ZNF267: variants seen among roughly 807,000 people sequenced by gnomAD.
ZNF267 encodes the protein zinc finger (C2H2).
Under a neutral mutation model 71.6 loss-of-function variants are expected in ZNF267, and 61 were observed. The ratio of observed to expected loss-of-function variants is 0.85; its 90% confidence interval spans 0.69 to 1.05. The LOEUF is 1.05. Among genes scored for constraint, ZNF267 ranks in the 50% least tolerant of loss-of-function variants. The pLI, the probability that ZNF267 is intolerant of heterozygous loss-of-function variation, is 0.00. For missense variants in ZNF267, 852 were observed against 870.0 expected, an observed-to-expected ratio of 0.98 and a Z score of 0.26; for synonymous variants, 288 against 293.2, an observed-to-expected ratio of 0.98 and a Z score of 0.18.
At chr16:31,880,915 C>T (rs7203345) in intron 1 of ZNF267, among the ~76,000 whole-genome samples, 15,932 of 152,064 alleles carry the variant, frequency 0.1, 1,876 homozygotes, top group African/African-American at 0.29. Flanking sequence ...CTAAAGCAGA[C>T]GGATAATGGT....
At chr16:31,909,941 T>G (rs1421230701) in intron 3 of ZNF267, among the ~76,000 whole-genome samples, 1 of 152,226 alleles carries the variant, frequency 6.6e-6, no homozygotes, top group Non-Finnish European at 1.5e-5. Flanking sequence ...ATGTTCTTTC[T>G]ATACCCAGCT....
chr16:31,895,361 A>T (rs542257267), intron 3 of ZNF267, among the ~76,000 whole-genome samples: 1 of 152,322 alleles, frequency 6.6e-6, no homozygotes, highest in Admixed American at 6.5e-5. Context: ...TTCATTATTT[A>T]TCTGCTGCTA....
At chr16:31,892,184 A>G (rs1332038190) in intron 3 of ZNF267, among the ~76,000 whole-genome samples, 2 of 152,218 alleles carry the variant, frequency 1.3e-5, no homozygotes, top group Non-Finnish European at 1.5e-5. Context: ...GTGGAAGGCG[A>G]GGAGGAGCAA....
intron 1 of ZNF267, among the ~76,000 whole-genome samples, chr16:31,881,330 A>C (rs1026394630): frequency 1.3e-5 from 2 of 152,012 alleles, no homozygotes; most frequent in African/African-American, 4.8e-5. Context: ...GCCCAAATCC[A>C]GCCTCTTCTG....
chr16:31,875,013 G>C lies in ZNF267; in HGVS notation c.3+1044G>C, dbSNP rs532527942. 5.4e-6 allele frequency: 4 copies of C among 739,926 alleles called. No homozygotes were observed. In the South Asian group the frequency reaches 5.9e-5, roughly 11 times the overall value. The allele number at this position is 739,926 out of a possible 1,614,324, so 45.8% of individuals were successfully genotyped here. ...TTTTTGGCATACATTTCACGTGAGAGGAAAGCAGAGAATAAAAAATCCCTG... is the reference window on the plus strand; with the variant it reads ...TTTTTGGCATACATTTCACGTGAGACGAAAGCAGAGAATAAAAAATCCCTG... On this transcript the variant is annotated intron_variant, in intron 1 of 3. Coordinates refer to ENST00000300870, the MANE Select transcript of ZNF267 (RefSeq NM_003414.6).
chr16:31,903,225 C>G (rs1034482510), intron 3 of ZNF267, among the ~76,000 whole-genome samples: 2 of 152,152 alleles, frequency 1.3e-5, no homozygotes, highest in Non-Finnish European at 2.9e-5. Context: ...CAATGTTCAT[C>G]AAGGATATTG....
intron 3 of ZNF267, among the ~76,000 whole-genome samples, chr16:31,887,015 ACT>A (rs2083928697): frequency 6.6e-6 from 1 of 151,992 alleles, no homozygotes; most frequent in African/African-American, 2.4e-5. Flanking sequence ...CCACACTCTG[ACT>A]CTTAATATTT....
intron 3 of ZNF267, among the ~76,000 whole-genome samples, chr16:31,906,472 A>T (rs1231171464): frequency 6.6e-6 from 1 of 152,108 alleles, no homozygotes; most frequent in Admixed American, 6.5e-5. Context: ...AAGCCTGGGC[A>T]ATGGTGGGCA....
intron 2 of ZNF267, among the ~76,000 whole-genome samples, 154 bp from the exon 3 acceptor site, chr16:31,885,007 C>G (rs910654975): frequency 1.3e-5 from 2 of 152,102 alleles, no homozygotes; most frequent in African/African-American, 4.8e-5. Flanking sequence ...TTGAGAAATA[C>G]TTTTCAAGAA....
chr16:31,900,947 C>T (rs1338148300), intron 3 of ZNF267, among the ~76,000 whole-genome samples: 6 of 151,982 alleles, frequency 3.9e-5, no homozygotes, highest in African/African-American at 7.3e-5. Flanking sequence ...CTATCCCTCT[C>T]CTCTCCCCCC....
rs200433344 is a variant in ZNF267, at chr16:31,914,491, A to G, written c.242A>G (p.Tyr81Cys). 9.5e-6 allele frequency: 15 copies of G among 1,580,410 alleles called. No individual in the cohort carries two copies. The highest frequency in any genetic ancestry group is 1.3e-5 in the Non-Finnish European group (15 of 1,167,156). Residue 81 changes from tyrosine to cysteine, a missense_variant, in exon 4 of 4, where the codon TAT (tyrosine) becomes TGT (cysteine). Transcript: ENST00000300870. ...VAIQPDVFSH[Y>C]NKDLLTEHCT... ...TATCTTTCAGATGTGTTTTCGCATT[A>G]TAACAAGGACCTGTTGACAGAGCAC...
chr16:31,894,138 C>T (rs2083979735), intron 3 of ZNF267, among the ~76,000 whole-genome samples: 1 of 152,222 alleles, frequency 6.6e-6, no homozygotes, highest in African/African-American at 2.4e-5. Flanking sequence ...ATTCTCTCTT[C>T]ATGTCTTCCT....
chr16:31,911,476 C>G (rs1399421057), intron 3 of ZNF267, among the ~76,000 whole-genome samples: 1 of 151,494 alleles, frequency 6.6e-6, no homozygotes, highest in Non-Finnish European at 1.5e-5. Flanking sequence ...GTAAGTATAG[C>G]TACTTTGGTT....
chr16:31,906,576 C>G (rs1019113745), intron 3 of ZNF267, among the ~76,000 whole-genome samples: 2 of 152,168 alleles, frequency 1.3e-5, no homozygotes, highest in African/African-American at 4.8e-5. Flanking sequence ...AACCTCCGAG[C>G]CAGGTGCGGG....
intron 1 of ZNF267, among the ~76,000 whole-genome samples, chr16:31,882,985 A>T (rs1452265848): frequency 6.6e-6 from 1 of 152,226 alleles, no homozygotes; most frequent in Non-Finnish European, 1.5e-5. Context: ...TTCTTTGCAG[A>T]GTAAAGGCTC....
intron 1 of ZNF267, among the ~76,000 whole-genome samples, chr16:31,881,766 A>G (rs1193995130): frequency 6.8e-6 from 1 of 147,618 alleles, no homozygotes; most frequent in Non-Finnish European, 1.5e-5. Flanking sequence ...TTCCCGGTTC[A>G]GATGATTCTC....
intron 3 of ZNF267, among the ~76,000 whole-genome samples, chr16:31,892,734 T>C (rs1327138303): frequency 6.6e-6 from 1 of 152,246 alleles, no homozygotes; most frequent in East Asian, 1.9e-4. Context: ...AGCTCCAAGA[T>C]GATCTCCTTT....
intron 3 of ZNF267, among the ~76,000 whole-genome samples, chr16:31,900,015 C>G (rs1411430535): frequency 6.6e-6 from 1 of 150,734 alleles, no homozygotes; most frequent in African/African-American, 2.5e-5. Flanking sequence ...CACACACATA[C>G]ACACACACAA....
chr16:31,912,761 A>G (rs1555463019), intron 3 of ZNF267: 4 of 151,420 alleles, frequency 2.6e-5, no homozygotes, highest in Non-Finnish European at 5.9e-5. Flanking sequence ...AAGCTCAATA[A>G]TTTTTTCTTT....
Sources: gnomAD v4.1 joint callset for allele counts (sites outside exome capture counted in the v4.1 genomes callset) on GRCh38, gnomAD v4.1.1 for gene constraint, MANE v1.5 for transcripts, NCBI Gene and HGNC (gene_info 2026-07-23, HGNC 2026-07-21) for gene names.